Variants in TLN2 observed in about 807,000 individuals in gnomAD.
TLN2 encodes the protein talin 2.
A neutral mutation model predicts 294.7 loss-of-function variants in TLN2; 118 were observed. The ratio of observed to expected loss-of-function variants is 0.40; its 90% confidence interval spans 0.34 to 0.47. The LOEUF is 0.47. TLN2 is among the 20% of genes least tolerant of loss of function. The pLI, the probability that TLN2 is intolerant of heterozygous loss-of-function variation, is 0.84. For missense variants in TLN2, 3,083 were observed against 3,282.2 expected, an observed-to-expected ratio of 0.94 and a Z score of 1.48; for synonymous variants, 1,431 against 1,304.5, an observed-to-expected ratio of 1.10 and a Z score of -2.09.
intron 24 of TLN2, among the ~76,000 whole-genome samples, chr15:62,719,554 G>A (rs1266794484): frequency 6.6e-6 from 1 of 152,170 alleles, no homozygotes; most frequent in Admixed American, 6.5e-5. Flanking sequence ...AGGACCACAG[G>A]GTAGAGTATG....
Position 62,797,318 on chromosome 15 carries a change from G to A in TLN2, c.6150G>A (p.Gln2050=), listed in dbSNP as rs149064940. ...STPDKLAQAA[Q]SSAATITQLA... ...CTGACAAGCTGGCCCAGGCGGCCCAGTCCTCAGCAGCCACCATCACCCAGC... is the reference window on the plus strand; with the variant it reads ...CTGACAAGCTGGCCCAGGCGGCCCAATCCTCAGCAGCCACCATCACCCAGC... Residue 2050 remains glutamine (Q), a synonymous_variant, in exon 48 of 59, where the codon CAG becomes CAA. Coordinates refer to ENST00000636159, the MANE Select transcript of TLN2 (RefSeq NM_015059.3). The A allele has an allele frequency of 1.3e-5, 21 of 1,613,630 alleles. No homozygotes were observed. The African/African-American group carries it at 2.7e-4, about 21-fold the overall frequency.
At chr15:62,588,699 TATATATA>T (rs2045852175) in intron 1 of TLN2, among the ~76,000 whole-genome samples, 3 of 121,836 alleles carry the variant, frequency 2.5e-5, no homozygotes, top group Admixed American at 1.6e-4. Flanking sequence ...TATATATATA[TATATATA>T]TGAAATATAC....
At chr15:62,672,404 C>T (rs2055540680) in intron 9 of TLN2, among the ~76,000 whole-genome samples, 1 of 152,018 alleles carries the variant, frequency 6.6e-6, no homozygotes, top group Non-Finnish European at 1.5e-5. Flanking sequence ...TCAAATTGCC[C>T]CATCACATGG....
intron 11 of TLN2, among the ~76,000 whole-genome samples, chr15:62,685,072 T>A (rs1478808091): frequency 6.6e-6 from 1 of 151,738 alleles, no homozygotes; most frequent in African/African-American, 2.4e-5. Context: ...CACTTAATAG[T>A]GAAATTTTGG....
At chr15:62,817,127 AC>A (rs200001007) in intron 52 of TLN2, among the ~76,000 whole-genome samples, 2,412 of 152,338 alleles carry the variant, frequency 0.016, 126 homozygotes, top group Admixed American at 0.095. Flanking sequence ...GTACACAGGT[AC>A]ATTGATATTG....
intron 54 of TLN2, among the ~76,000 whole-genome samples, chr15:62,825,727 A>AT (rs1567685966): frequency 2.9e-4 from 32 of 112,170 alleles, no homozygotes; most frequent in Middle Eastern, 3.8e-3. Flanking sequence ...AATATATATA[A>AT]AAATATATTT....
Position 62,840,490 on chromosome 15 carries a change from C to T in TLN2, c.7509C>T (p.Ala2503=), listed in dbSNP as rs372408033. 23 of 1,614,036 alleles carry T rather than the reference C, an allele frequency of 1.4e-5. No homozygotes were observed. The highest frequency in any genetic ancestry group is 1.7e-4 in the Middle Eastern group (1 of 6,058). Residue 2503 remains alanine, a synonymous_variant, in exon 59 of 59, where the codon GCC becomes GCT. Coordinates refer to ENST00000636159, the MANE Select transcript of TLN2 (RefSeq NM_015059.3). The stretch of plus-strand genomic sequence containing the variant: ...TGTTGCTTTCTTTCTAGATCATCGC[C>T]GCCCAGGAAGAAATGCTAAAGAAAG... ...KFVGGIAQII[A]AQEEMLKKER... is the part of the protein sequence containing the mutation.
intron 1 of TLN2, among the ~76,000 whole-genome samples, chr15:62,423,214 C>T (rs879577742): frequency 5.9e-5 from 9 of 152,128 alleles, no homozygotes; most frequent in South Asian, 4.2e-4. Context: ...GGCAACATGG[C>T]GACACCTCGT....
chr15:62,775,177 C>T (rs1278607231), intron 42 of TLN2, among the ~76,000 whole-genome samples: 2 of 151,902 alleles, frequency 1.3e-5, no homozygotes, highest in African/African-American at 4.8e-5. Flanking sequence ...AGGATGGTCT[C>T]GATCTCCTGA....
At chr15:62,758,356 C>G (rs1044397105) in intron 37 of TLN2, among the ~76,000 whole-genome samples, 10 of 152,260 alleles carry the variant, frequency 6.6e-5, no homozygotes, top group African/African-American at 1.9e-4. Flanking sequence ...ATGCACACCC[C>G]TAACCACAGC....
At chr15:62,707,325 T>C in intron 20 of TLN2, 72 bp downstream of exon 20, 2 of 1,481,066 alleles carry the variant, frequency 1.4e-6, no homozygotes, top group South Asian at 3.0e-5. Context: ...GCATTTGGTG[T>C]GTAGCAGGGG....
chr15:62,607,101 G>T (rs1039742990), intron 2 of TLN2, among the ~76,000 whole-genome samples: 61 of 152,182 alleles, frequency 4.0e-4, no homozygotes, highest in Non-Finnish European at 2.6e-4. Context: ...TTTCTCGCCC[G>T]TGATCCTGGG....
intron 11 of TLN2, among the ~76,000 whole-genome samples, chr15:62,683,429 A>G (rs2057009320): frequency 6.7e-6 from 1 of 149,388 alleles, no homozygotes; most frequent in Non-Finnish European, 1.5e-5. Flanking sequence ...GAATGCCTGC[A>G]TTCTCCCGCC....
intron 21 of TLN2, among the ~76,000 whole-genome samples, 155 bp downstream of exon 21, chr15:62,708,951 A>G (rs909517737): frequency 6.6e-6 from 1 of 152,228 alleles, no homozygotes; most frequent in African/African-American, 2.4e-5. Flanking sequence ...AGAAAAAGAT[A>G]TAAGACTCTT....
chr15:62,806,360 G>A (rs747963387), intron 51 of TLN2, among the ~76,000 whole-genome samples: 1 of 152,178 alleles, frequency 6.6e-6, no homozygotes, highest in Non-Finnish European at 1.5e-5. Context: ...CTTGCAGAGT[G>A]TGGTGGAGGC....
intron 1 of TLN2, among the ~76,000 whole-genome samples, chr15:62,509,261 G>A (rs967013241): frequency 4.8e-5 from 7 of 144,692 alleles, no homozygotes; most frequent in East Asian, 2.1e-4. Context: ...CTTATTTTCC[G>A]TAAAATGTCT....
At chr15:62,527,003 A>C (rs1179019864) in intron 1 of TLN2, among the ~76,000 whole-genome samples, 1 of 152,194 alleles carries the variant, frequency 6.6e-6, no homozygotes, top group Non-Finnish European at 1.5e-5. Flanking sequence ...ATATACATAC[A>C]TGCACCTGTA....
chr15:62,717,734 C>T, intron 24 of TLN2, 45 bp downstream of exon 24: 4 of 1,371,928 alleles, frequency 2.9e-6, no homozygotes, highest in Non-Finnish European at 3.9e-6. Context: ...GCAGATGACC[C>T]TGATAACATT....
At chr15:62,544,275 T>C (rs1053554044) in intron 1 of TLN2, among the ~76,000 whole-genome samples, 2 of 152,200 alleles carry the variant, frequency 1.3e-5, no homozygotes, top group South Asian at 4.1e-4. Flanking sequence ...CCCAGTTCAG[T>C]GCCTCTTCCC....
Sources: gnomAD v4.1 joint callset for allele counts (sites outside exome capture counted in the v4.1 genomes callset) on GRCh38, gnomAD v4.1.1 for gene constraint, MANE v1.5 for transcripts, NCBI Gene and HGNC (gene_info 2026-07-23, HGNC 2026-07-21) for gene names.